ESRRG: variants seen among roughly 807,000 people sequenced by gnomAD.
The protein encoded by ESRRG is estrogen related receptor gamma, also known as estrogen-related receptor gamma.
Under a neutral mutation model 44.0 loss-of-function variants are expected in ESRRG, and 13 were observed. That is an observed-to-expected ratio of 0.30 (90% CI 0.19 to 0.47). The LOEUF (loss-of-function observed/expected upper bound fraction) is 0.47, where lower values mean the gene tolerates loss of function less well. Ranked by LOEUF, ESRRG falls within the 20% of genes least tolerant of loss-of-function variation. ESRRG has a pLI of 1.00. For missense variants in ESRRG, 395 were observed against 580.6 expected, an observed-to-expected ratio of 0.68 and a Z score of 3.29; for synonymous variants, 215 against 214.6, an observed-to-expected ratio of 1.00 and a Z score of -0.02.
intron 1 of ESRRG, among the ~76,000 whole-genome samples, chr1:217,043,041 T>C (rs1203452202): frequency 2.0e-5 from 3 of 152,198 alleles, no homozygotes; most frequent in Non-Finnish European, 4.4e-5. Context: ...TAAATTCCTA[T>C]TTTTCCTTTT....
chr1:216,700,293 T>G (rs1357523925), intron 1 of ESRRG, among the ~76,000 whole-genome samples: 1 of 152,184 alleles, frequency 6.6e-6, no homozygotes, highest in Non-Finnish European at 1.5e-5. Flanking sequence ...CCCACCTGTA[T>G]CATGGCAATA....
intron 3 of ESRRG, among the ~76,000 whole-genome samples, chr1:216,633,388 C>A (rs533864011): frequency 2.6e-5 from 4 of 152,178 alleles, no homozygotes; most frequent in African/African-American, 4.8e-5. Context: ...TGCTGAACTC[C>A]TATTGCCTAG....
At chr1:216,558,871 T>TTTTTTG (rs1353031530) in intron 5 of ESRRG, among the ~76,000 whole-genome samples, 22 of 151,258 alleles carry the variant, frequency 1.5e-4, no homozygotes, top group African/African-American at 5.4e-4. Context: ...TTGTTTTTTG[T>TTTTTTG]TTTTTTGTTT....
chr1:216,691,412 C>A (rs1033116743), intron 1 of ESRRG, among the ~76,000 whole-genome samples: 3 of 152,068 alleles, frequency 2.0e-5, no homozygotes, highest in Admixed American at 2.0e-4. Context: ...TGCATAGCAA[C>A]TGGAATAAAT....
chr1:216,854,907 G>C (rs1490591986), intron 2 of ESRRG: 1 of 152,100 alleles, frequency 6.6e-6, no homozygotes, highest in Non-Finnish European at 1.5e-5. Flanking sequence ...ATAAAATATT[G>C]GTTTATAAGA....
chr1:217,075,352 T>C (rs1178353187), intron 1 of ESRRG, among the ~76,000 whole-genome samples: 1 of 152,172 alleles, frequency 6.6e-6, no homozygotes, highest in Non-Finnish European at 1.5e-5. Flanking sequence ...GAAGGTCAGG[T>C]AGGTGAAGTC....
chr1:216,639,144 A>G (rs1407267631), intron 3 of ESRRG, among the ~76,000 whole-genome samples: 2 of 152,158 alleles, frequency 1.3e-5, no homozygotes, highest in African/African-American at 4.8e-5. Context: ...GGGAGGCAGG[A>G]GTAGGGAGGG....
chr1:216,783,147 T>C (rs374828834), intron 2 of ESRRG, among the ~76,000 whole-genome samples: 1 of 151,956 alleles, frequency 6.6e-6, no homozygotes, highest in African/African-American at 2.4e-5. Context: ...AATTTGAAAA[T>C]GCTTTTCAGG....
intron 1 of ESRRG, among the ~76,000 whole-genome samples, chr1:216,960,136 TA>T (rs35019383): frequency 7.3e-5 from 11 of 151,638 alleles, no homozygotes; most frequent in Admixed American, 3.9e-4. Context: ...GTCTGTAATG[TA>T]AAAAAAAATC....
chr1:216,510,257 A>G (rs1355895403), intron 6 of ESRRG, among the ~76,000 whole-genome samples: 1 of 152,232 alleles, frequency 6.6e-6, no homozygotes, highest in Non-Finnish European at 1.5e-5. Flanking sequence ...ATTAAGAACT[A>G]CTACTGAATT....
intron 2 of ESRRG, among the ~76,000 whole-genome samples, chr1:216,783,450 T>C (rs1268361409): frequency 6.6e-6 from 1 of 152,136 alleles, no homozygotes; most frequent in East Asian, 1.9e-4. Context: ...TCAATTTTTT[T>C]ATCTTTAATC....
intron 1 of ESRRG, among the ~76,000 whole-genome samples, chr1:216,946,322 A>G (rs991046698): frequency 6.6e-6 from 1 of 152,210 alleles, no homozygotes; most frequent in Admixed American, 6.5e-5. Flanking sequence ...GTGAAGACTC[A>G]GAGTAATCAT....
At chr1:216,661,028 A>C (rs756921391) in intron 2 of ESRRG, among the ~76,000 whole-genome samples, 1 of 152,210 alleles carries the variant, frequency 6.6e-6, no homozygotes, top group Non-Finnish European at 1.5e-5. Flanking sequence ...AAGGACTGGT[A>C]AGTGTATAAT....
intron 3 of ESRRG, among the ~76,000 whole-genome samples, chr1:216,629,993 A>G (rs550203537): frequency 6.6e-6 from 1 of 152,302 alleles, no homozygotes; most frequent in Admixed American, 6.5e-5. Context: ...TTTTGAGGCC[A>G]ACTCCCTCTC....
At position 216,552,882 on chromosome 1, in the gene ESRRG, A is replaced by G. The variant is rs144819217; in HGVS notation, c.862+11337T>C. 6.6e-5 allele frequency among the ~76,000 whole-genome samples: 10 copies of G among 152,316 alleles called. No homozygotes were observed. The East Asian group carries it at 1.9e-3, about 29-fold the overall frequency. On this transcript the variant is annotated intron_variant, in intron 5 of 6. Coordinates refer to ENST00000408911, the MANE Select transcript of ESRRG (RefSeq NM_001438.4). ...ATATTTTGAAAGTTTGGGAACATTT[A>G]TTATAAAGCTCTCTCTTTTAGAATA...
intron 1 of ESRRG, among the ~76,000 whole-genome samples, chr1:216,949,637 A>T (rs535826509): frequency 1.6e-4 from 24 of 152,254 alleles, no homozygotes; most frequent in Admixed American, 5.2e-4. Flanking sequence ...ACAATATTTG[A>T]GGTGAAAAAG....
At chr1:216,943,948 C>T (rs2065669583) in intron 1 of ESRRG, among the ~76,000 whole-genome samples, 1 of 152,070 alleles carries the variant, frequency 6.6e-6, no homozygotes, top group African/African-American at 2.4e-5. Context: ...AACTTCAGCT[C>T]CCCCCTGCCA....
Position 216,506,973 on chromosome 1 carries a change from T to C in ESRRG, c.1343A>G (p.Lys448Arg), listed in dbSNP as rs2041349056. 4 of 1,614,138 alleles carry C rather than the reference T, an allele frequency of 2.5e-6. No homozygotes were observed. Among genetic ancestry groups the C allele is most frequent in the African/African-American group, 1.3e-5 (1 of 75,032 alleles). ...IKLEGKVPMH[K>R]LFLEMLEAKV ...GGCCTCCAACATTTCCAAAAAAAGTTTGTGCATTGGGACTTTGCCTTCTAG... is the reference window on the plus strand; with the variant it reads ...GGCCTCCAACATTTCCAAAAAAAGTCTGTGCATTGGGACTTTGCCTTCTAG... Residue 448 changes from lysine (K) to arginine (R), a missense_variant, in exon 7 of 7, where the codon AAA becomes AGA. Coordinates refer to ENST00000408911, the MANE Select transcript of ESRRG (RefSeq NM_001438.4).
chr1:217,064,270 ATATG>A (rs1405620833), intron 1 of ESRRG, among the ~76,000 whole-genome samples: 2 of 152,082 alleles, frequency 1.3e-5, no homozygotes, highest in East Asian at 3.9e-4. Context: ...ATGTATGTAT[ATATG>A]TATGTTGTGA....
Sources: allele counts gnomAD v4.1 joint callset (sites outside exome capture counted in the v4.1 genomes callset), GRCh38; gene constraint gnomAD v4.1.1; transcripts MANE v1.5; gene names NCBI Gene and HGNC (gene_info 2026-07-23, HGNC 2026-07-21).